HYAL4: variants seen among roughly 807,000 people sequenced by gnomAD.
The protein encoded by HYAL4 is hyaluronidase 4.
In HYAL4, 37 loss-of-function variants were observed where a neutral mutation model predicts 35.2. The observed-to-expected ratio is 1.05, with a 90% CI of 0.81 to 1.38. The LOEUF (loss-of-function observed/expected upper bound fraction) is 1.38, where lower values mean the gene tolerates loss of function less well. Among genes scored for constraint, HYAL4 ranks in the 40% most tolerant of loss-of-function variants. The pLI is 0.00. For synonymous variants in HYAL4, 198 were observed against 203.2 expected, an observed-to-expected ratio of 0.97 and a Z score of 0.22; for missense variants, 572 against 572.4, an observed-to-expected ratio of 1.00 and a Z score of 0.01.
chr7:123,793,061 C>T, the HYAL4 span, among the ~76,000 whole-genome samples: 2 of 152,174 alleles, frequency 1.3e-5, no homozygotes. Context: ...TACAGCTATC[C>T]TAAGACCATG....
the HYAL4 span, among the ~76,000 whole-genome samples, chr7:123,785,316 G>A: frequency 6.6e-6 from 1 of 152,110 alleles, no homozygotes; most frequent in South Asian, 2.1e-4. This position sits in a 1 kb window ranked among gnomAD's most constrained non-coding sequence, Gnocchi z 4.5. Flanking sequence ...CAAACTTTGG[G>A]GCTCAAGTGG....
chr7:123,837,330 T>G (rs1805979923), intron 1 of HYAL4, among the ~76,000 whole-genome samples: 1 of 152,144 alleles, frequency 6.6e-6, no homozygotes, highest in Non-Finnish European at 1.5e-5. Context: ...CTCACAGCTC[T>G]TAAGATTCTT....
chr7:123,809,310 A>G, the HYAL4 span, among the ~76,000 whole-genome samples: 4 of 152,072 alleles, frequency 2.6e-5, no homozygotes, highest in Non-Finnish European at 5.9e-5. Context: ...TTCTTGCTGT[A>G]ATAGAAAACT....
chr7:123,865,955 T>C (rs1806676896), intron 2 of HYAL4, among the ~76,000 whole-genome samples: 1 of 152,120 alleles, frequency 6.6e-6, no homozygotes, highest in African/African-American at 2.4e-5. Flanking sequence ...CAAGAGAGCA[T>C]GCTCAGGGGA....
the HYAL4 span, among the ~76,000 whole-genome samples, chr7:123,766,055 GTTC>G: frequency 2.6e-5 from 4 of 151,898 alleles, 1 homozygote; most frequent in Non-Finnish European, 5.9e-5. Context: ...TATGTTACTT[GTTC>G]TTTTCTTCAA....
intron 3 of HYAL4, among the ~76,000 whole-genome samples, chr7:123,874,206 T>C (rs1176479086): frequency 1.3e-5 from 2 of 152,220 alleles, no homozygotes; most frequent in Non-Finnish European, 2.9e-5. Flanking sequence ...CAATATAATA[T>C]CCTGCATGGC....
chr7:123,820,412 C>T, the HYAL4 span, among the ~76,000 whole-genome samples: 4 of 151,666 alleles, frequency 2.6e-5, no homozygotes, highest in African/African-American at 4.8e-5. Flanking sequence ...GGAGAAACCC[C>T]GTCTCTACTA....
chr7:123,839,614 A>T (rs1296370469), intron 1 of HYAL4, among the ~76,000 whole-genome samples: 1 of 152,128 alleles, frequency 6.6e-6, no homozygotes, highest in Non-Finnish European at 1.5e-5. Context: ...GTGTAAAAGC[A>T]TTCCTATTTG....
chr7:123,857,696 T>C (rs1307748711), intron 2 of HYAL4, among the ~76,000 whole-genome samples: 4 of 150,164 alleles, frequency 2.7e-5, no homozygotes, highest in African/African-American at 9.9e-5. Context: ...TTTCTTTCTT[T>C]CTTTCTTTCT....
chr7:123,794,499 C>T, the HYAL4 span, among the ~76,000 whole-genome samples: 1 of 152,176 alleles, frequency 6.6e-6, no homozygotes, highest in Middle Eastern at 3.2e-3. Flanking sequence ...TCCCCTGACC[C>T]CCTCTGCTCT....
At chr7:123,863,280 G>T (rs993274010) in intron 2 of HYAL4, among the ~76,000 whole-genome samples, 22 of 152,174 alleles carry the variant, frequency 1.4e-4, no homozygotes, top group Admixed American at 5.2e-4. Context: ...GTACATAGAA[G>T]ATGCTCAATA....
At chr7:123,811,783 T>G in the HYAL4 span, among the ~76,000 whole-genome samples, 1 of 152,080 alleles carries the variant, frequency 6.6e-6, no homozygotes, top group Non-Finnish European at 1.5e-5. Context: ...TCCTATATTA[T>G]TTTCTAGGAG....
intron 3 of HYAL4, 140 bp downstream of exon 3, chr7:123,869,367 T>C: frequency 1.6e-6 from 1 of 637,306 alleles, no homozygotes; most frequent in South Asian, 2.1e-5. Context: ...TGACTAGTCA[T>C]GCATTTAGAC....
chr7:123,809,194 C>T, the HYAL4 span, among the ~76,000 whole-genome samples: 3 of 151,970 alleles, frequency 2.0e-5, no homozygotes, highest in Non-Finnish European at 4.4e-5. Context: ...AAGATCATGC[C>T]ACTCCCTGAC....
chr7:123,772,318 G>T, the HYAL4 span, among the ~76,000 whole-genome samples: 2 of 152,130 alleles, frequency 1.3e-5, no homozygotes, highest in Admixed American at 1.3e-4. Flanking sequence ...CAGAGTGATT[G>T]GTGGATAGAT....
At chr7:123,812,087 G>T in the HYAL4 span, among the ~76,000 whole-genome samples, 1 of 152,100 alleles carries the variant, frequency 6.6e-6, no homozygotes, top group Admixed American at 6.5e-5. Context: ...TGATCTGCCT[G>T]CCTCGGCCTC....
chr7:123,800,611 T>A, the HYAL4 span, among the ~76,000 whole-genome samples: 4 of 152,148 alleles, frequency 2.6e-5, no homozygotes, highest in African/African-American at 9.6e-5. Flanking sequence ...CAATTCCATC[T>A]AGTGTAATAC....
At chr7:123,824,686 C>T (rs182068664), upstream of HYAL4, among the ~76,000 whole-genome samples, 17 of 152,200 alleles carry the variant, frequency 1.1e-4, no homozygotes, top group Non-Finnish European at 1.6e-4. Flanking sequence ...GTACCTCCTA[C>T]ATTCCCTTTG....
the HYAL4 span, among the ~76,000 whole-genome samples, chr7:123,774,225 C>T: frequency 6.6e-5 from 10 of 152,110 alleles, no homozygotes; most frequent in Non-Finnish European, 1.3e-4. Context: ...TTTCTAGAGA[C>T]ATGGGGTTTT....
Sources: gnomAD v4.1 joint callset for allele counts (sites outside exome capture counted in the v4.1 genomes callset) on GRCh38, gnomAD v4.1.1 for gene constraint, Gnocchi (gnomAD v3.1) non-coding constraint, MANE v1.5 for transcripts, NCBI Gene and HGNC (gene_info 2026-07-23, HGNC 2026-07-21) for gene names.